Variants in ABCB1 observed in about 807,000 individuals in gnomAD.
ABCB1 encodes ATP binding cassette subfamily B member 1.
A neutral mutation model predicts 142.0 loss-of-function variants in ABCB1; 69 were observed. The observed-to-expected ratio is 0.49, with a 90% CI of 0.40 to 0.59. ABCB1 has a LOEUF of 0.59. Ranked by LOEUF, ABCB1 falls within the 20% of genes least tolerant of loss-of-function variation. The probability of loss-of-function intolerance (pLI) is 0.00; values close to 1 mark genes in which losing one functional copy is unlikely to be tolerated. For synonymous variants in ABCB1, 532 were observed against 539.2 expected (o/e 0.99, Z 0.18); for missense variants, 1,326 against 1,554.7 (o/e 0.85, Z 2.47).
chr7:87,636,944 A>G (rs1192604773), intron 1 of ABCB1, among the ~76,000 whole-genome samples: 2 of 152,214 alleles, frequency 1.3e-5, no homozygotes, highest in Non-Finnish European at 2.9e-5. Context: ...GGAAGTAAAC[A>G]TGTCCTTCTT....
In ABCB1 at chr7:87,703,381, C is replaced by G. The variant is rs17146782; in HGVS notation, c.-331+9780G>C. On this transcript the variant is annotated intron_variant, in intron 1 of 28. Coordinates refer to the ABCB1 transcript ENST00000265724. ...AATCTATAATGTTTAAATGTAGTGACATAATTAGAAACACAGGTAAAACAT... is the reference window on the plus strand; with the variant it reads ...AATCTATAATGTTTAAATGTAGTGAGATAATTAGAAACACAGGTAAAACAT... Among the ~76,000 whole-genome samples, 472 of 152,108 alleles carry G rather than the reference C, an allele frequency of 3.1e-3. 6 individuals are homozygous for G. In the East Asian group the frequency reaches 0.049, roughly 16 times the overall value.
intron 1 of ABCB1, chr7:87,693,770 T>C (rs1828229914): frequency 1.5e-6 from 1 of 685,616 alleles, no homozygotes; most frequent in South Asian, 1.9e-5. Context: ...AGTTCATTTA[T>C]TTAGTAGGTA....
At chr7:87,519,265 T>C in intron 23 of ABCB1, 61 bp downstream of exon 23, 6 of 1,517,564 alleles carry the variant, frequency 4.0e-6, no homozygotes, top group South Asian at 1.1e-5. Context: ...TATCTAGACA[T>C]GAAGCATGTT....
At chr7:87,505,753 G>A in intron 27 of ABCB1, 144 bp downstream of exon 27, 2 of 991,004 alleles carry the variant, frequency 2.0e-6, no homozygotes, top group South Asian at 2.9e-5. Flanking sequence ...CTGAATAACA[G>A]CTACAGAAAG....
intron 1 of ABCB1, among the ~76,000 whole-genome samples, chr7:87,699,368 A>G (rs1006346712): frequency 6.6e-6 from 1 of 152,196 alleles, no homozygotes; most frequent in Non-Finnish European, 1.5e-5. Context: ...TACTGAGTGT[A>G]GAAAATGTTT....
chr7:87,510,853 G>T lies in ABCB1; in HGVS notation c.3283-1372C>A, dbSNP rs575183875. Among the ~76,000 whole-genome samples, 6 of 152,330 alleles carry T rather than the reference G, an allele frequency of 3.9e-5. No homozygotes were observed. In the South Asian group the frequency reaches 1.2e-3, roughly 32 times the overall value. On this transcript the variant is annotated intron_variant, in intron 25 of 27. Coordinates refer to ENST00000622132, the MANE Select transcript of ABCB1 (RefSeq NM_001348946.2). ...CAATGTTAATAAATGAAGGTGGAAA[G>T]TAGAGGGTGGAGAGAGACAGTGAAA...
At chr7:87,641,508 C>G (rs1822449524) in intron 1 of ABCB1, among the ~76,000 whole-genome samples, 2 of 152,148 alleles carry the variant, frequency 1.3e-5, no homozygotes, top group Non-Finnish European at 2.9e-5. Flanking sequence ...TTCTAGCACC[C>G]TTCCTCCAGC....
intron 9 of ABCB1, among the ~76,000 whole-genome samples, chr7:87,552,483 A>G (rs1192341423): frequency 1.3e-5 from 2 of 152,164 alleles, no homozygotes; most frequent in Non-Finnish European, 2.9e-5. Flanking sequence ...CATTTGAATC[A>G]AGTTGGTCCG....
At chr7:87,572,952 C>T (rs949757824) in intron 4 of ABCB1, among the ~76,000 whole-genome samples, 2 of 152,038 alleles carry the variant, frequency 1.3e-5, no homozygotes, top group Admixed American at 1.3e-4. Context: ...GGGTACTAGG[C>T]TTAATACCTG....
chr7:87,585,536 G>T lies in ABCB1; in HGVS notation c.262C>A (p.Leu88Met), dbSNP rs1818710857. ...CTTCTATTAGTGATGTTTGACATCA[G>T]ATCTTCTAAATTTCCTGCATTTGCA... ...IFANAGNLED[L>M]MSNITNRSDI... Residue 88 changes from leucine to methionine, a missense_variant, in exon 4 of 28, where the codon CTG (leucine) becomes ATG (methionine). Leu to Met is a conservative substitution (Grantham distance 15, BLOSUM62 2). Transcript: ENST00000622132. The T allele has an allele frequency of 6.2e-7, 1 of 1,613,780 alleles. No homozygotes were observed. The highest frequency in any genetic ancestry group is 8.5e-7 in the Non-Finnish European group (1 of 1,179,842).
chr7:87,581,739 T>A (rs185993884), intron 4 of ABCB1, among the ~76,000 whole-genome samples: 1 of 152,280 alleles, frequency 6.6e-6, no homozygotes, highest in East Asian at 1.9e-4. Flanking sequence ...TCTAATTAGA[T>A]CCTATGTTTA....
chr7:87,538,318 A>C (rs1169623191), intron 19 of ABCB1, among the ~76,000 whole-genome samples: 2 of 152,174 alleles, frequency 1.3e-5, no homozygotes, highest in Non-Finnish European at 2.9e-5. Context: ...TTTCCCATCA[A>C]ACTGTGCTCT....
chr7:87,599,161 C>G (rs1819337560), intron 2 of ABCB1, among the ~76,000 whole-genome samples: 1 of 152,046 alleles, frequency 6.6e-6, no homozygotes, highest in African/African-American at 2.4e-5. Context: ...ACTAATTTAT[C>G]TTATAATTTA....
chr7:87,640,169 A>G (rs916050607), intron 1 of ABCB1, among the ~76,000 whole-genome samples: 3 of 149,330 alleles, frequency 2.0e-5, no homozygotes, highest in Non-Finnish European at 4.4e-5. Context: ...CCCACATCCT[A>G]AAACATACTT....
At chr7:87,514,983 G>T (rs1815164246) in intron 25 of ABCB1, among the ~76,000 whole-genome samples, 1 of 152,166 alleles carries the variant, frequency 6.6e-6, no homozygotes, top group South Asian at 2.1e-4. Context: ...CCTAAGTACA[G>T]CAAGGGAGAC....
intron 1 of ABCB1, among the ~76,000 whole-genome samples, chr7:87,627,128 T>C (rs907279387): frequency 2.0e-5 from 3 of 152,170 alleles, no homozygotes; most frequent in African/African-American, 4.8e-5. Flanking sequence ...ACATGGTAGC[T>C]GAAAAGGATG....
chr7:87,608,424 A>C (rs1819736541), intron 1 of ABCB1, among the ~76,000 whole-genome samples: 1 of 152,244 alleles, frequency 6.6e-6, no homozygotes, highest in Non-Finnish European at 1.5e-5. Context: ...TAATAAGCCA[A>C]ATTTTCTCCT....
chr7:87,567,133 T>A (rs898201223), intron 5 of ABCB1, among the ~76,000 whole-genome samples, 157 bp from the exon 6 acceptor site: 1 of 152,230 alleles, frequency 6.6e-6, no homozygotes, highest in African/African-American at 2.4e-5. Context: ...ATAGTCACCA[T>A]CCAACTATGT....
chr7:87,561,396 A>C lies in ABCB1; in HGVS notation c.703-9T>G, dbSNP rs776507458. 6.2e-6 allele frequency: 10 copies of C among 1,609,072 alleles called. No homozygotes were observed. The highest frequency in any genetic ancestry group is 5.1e-6 in the Non-Finnish European group (6 of 1,177,142). On this transcript the variant is annotated splice_polypyrimidine_tract_variant and intron_variant, in intron 7 of 27. Coordinates refer to ENST00000622132, the MANE Select transcript of ABCB1 (RefSeq NM_001348946.2). ...GTAAATGAAGATAGTATCTGTTTAA[A>C]AATACAATTTTGGATCATGAAAAAA... is the stretch of plus-strand genomic sequence containing the variant.
Sources: gnomAD v4.1 joint callset for allele counts (sites outside exome capture counted in the v4.1 genomes callset) on GRCh38, gnomAD v4.1.1 for gene constraint, MANE v1.5 for transcripts, NCBI Gene and HGNC (gene_info 2026-07-23, HGNC 2026-07-21) for gene names.